SPATS2L: variants seen among roughly 807,000 people sequenced by gnomAD.
The protein encoded by SPATS2L is SPATS2-like protein.
SPATS2L carries 30 observed loss-of-function variants against 59.6 expected under a neutral mutation model. The ratio of observed to expected loss-of-function variants is 0.50; its 90% CI spans 0.38 to 0.68. The LOEUF is 0.68. Ranked by LOEUF, SPATS2L falls within the 30% of genes least tolerant of loss-of-function variation. SPATS2L has a pLI of 0.00. For missense variants in SPATS2L, 615 were observed against 700.0 expected, an observed-to-expected ratio of 0.88 and a Z score of 1.37; for synonymous variants, 252 against 263.5, an observed-to-expected ratio of 0.96 and a Z score of 0.42.
chr2:200,443,404 C>T (rs1395353406), intron 8 of SPATS2L, among the ~76,000 whole-genome samples: 1 of 152,112 alleles, frequency 6.6e-6, no homozygotes, highest in Non-Finnish European at 1.5e-5. Flanking sequence ...TTAGAATGTA[C>T]TCATTTTAAT....
chr2:200,467,762 C>G (rs958597871), intron 10 of SPATS2L, among the ~76,000 whole-genome samples: 3 of 152,180 alleles, frequency 2.0e-5, no homozygotes, highest in African/African-American at 7.2e-5. Context: ...GGTATATATA[C>G]ACACACGAAG....
chr2:200,427,457 C>T (rs1204415305), intron 6 of SPATS2L, among the ~76,000 whole-genome samples: 1 of 148,916 alleles, frequency 6.7e-6, no homozygotes, highest in African/African-American at 2.5e-5. Flanking sequence ...ATATTACATA[C>T]ATATACATAT....
chr2:200,336,958 T>G (rs1432293129), intron 2 of SPATS2L, among the ~76,000 whole-genome samples: 3 of 152,220 alleles, frequency 2.0e-5, no homozygotes, highest in Non-Finnish European at 2.9e-5. Context: ...GAAAATGTCT[T>G]TCTTAGAGAA....
chr2:200,471,121 G>A (rs1326029739), intron 11 of SPATS2L, among the ~76,000 whole-genome samples: 3 of 151,838 alleles, frequency 2.0e-5, no homozygotes, highest in Non-Finnish European at 2.9e-5. Flanking sequence ...AGTGGAGATC[G>A]CACCACTGCA....
At chr2:200,388,846 G>C (rs984128547) in intron 2 of SPATS2L, among the ~76,000 whole-genome samples, 3 of 152,134 alleles carry the variant, frequency 2.0e-5, no homozygotes, top group Non-Finnish European at 2.9e-5. Context: ...CCAAGGAGCT[G>C]ATAAAAGCTT....
intron 2 of SPATS2L, among the ~76,000 whole-genome samples, chr2:200,333,121 AC>A (rs946220107): frequency 2.0e-5 from 3 of 151,040 alleles, no homozygotes; most frequent in African/African-American, 7.4e-5. Context: ...TTCTACAAAT[AC>A]AAAAAAAAAA....
chr2:200,432,894 G>T (rs1306897755), intron 6 of SPATS2L, among the ~76,000 whole-genome samples: 1 of 151,818 alleles, frequency 6.6e-6, no homozygotes, highest in African/African-American at 2.4e-5. Flanking sequence ...AGAACAGAGA[G>T]AAAAAAAGTA....
intron 8 of SPATS2L, among the ~76,000 whole-genome samples, chr2:200,456,181 CT>C (rs2085823457): frequency 1.3e-5 from 2 of 152,344 alleles, no homozygotes; most frequent in South Asian, 4.1e-4. Context: ...GGGCTGGCCC[CT>C]GATCTTGGTT....
intron 3 of SPATS2L, among the ~76,000 whole-genome samples, chr2:200,410,313 A>T (rs149672373): frequency 4.4e-3 from 676 of 152,248 alleles, no homozygotes; most frequent in Non-Finnish European, 6.9e-3. Context: ...TGTTGAACAC[A>T]TTCTGTTAAT....
At chr2:200,319,728 A>G (rs1160276002) in intron 1 of SPATS2L, among the ~76,000 whole-genome samples, 4 of 152,168 alleles carry the variant, frequency 2.6e-5, no homozygotes. Flanking sequence ...TAAATCAGGA[A>G]CAGCACATTG....
intron 12 of SPATS2L, among the ~76,000 whole-genome samples, chr2:200,475,010 C>G (rs1484831821): frequency 6.6e-6 from 1 of 152,194 alleles, no homozygotes; most frequent in Non-Finnish European, 1.5e-5. Context: ...TGGGCCCAAG[C>G]CTGCTCACAG....
At chr2:200,444,358 C>T (rs571118709) in intron 8 of SPATS2L, among the ~76,000 whole-genome samples, 4 of 152,208 alleles carry the variant, frequency 2.6e-5, no homozygotes, top group South Asian at 4.1e-4. Context: ...TTGATAGTTC[C>T]GCCATATGCT....
intron 3 of SPATS2L, among the ~76,000 whole-genome samples, chr2:200,396,033 A>AATATATATATATAT (rs1553520465): frequency 9.5e-5 from 2 of 21,138 alleles, no homozygotes; most frequent in Non-Finnish European, 1.8e-4. Context: ...AAAAAAAAAA[A>AATATATATATATAT]ATATATATAT....
chr2:200,349,453 T>C (rs1335723742), intron 2 of SPATS2L, among the ~76,000 whole-genome samples: 1 of 152,218 alleles, frequency 6.6e-6, no homozygotes, highest in Non-Finnish European at 1.5e-5. Flanking sequence ...TTGACCAACA[T>C]GGTGAAACCT....
intron 8 of SPATS2L, among the ~76,000 whole-genome samples, chr2:200,453,621 C>A (rs1283452434): frequency 6.6e-6 from 1 of 152,172 alleles, no homozygotes; most frequent in Non-Finnish European, 1.5e-5. Flanking sequence ...TAGTACGGGG[C>A]AACTGTAGCT....
At chr2:200,382,938 A>G (rs2081872391) in intron 2 of SPATS2L, among the ~76,000 whole-genome samples, 1 of 152,150 alleles carries the variant, frequency 6.6e-6, no homozygotes, top group African/African-American at 2.4e-5. Flanking sequence ...GGCTTCCATG[A>G]GAATCTATTT....
intron 6 of SPATS2L, among the ~76,000 whole-genome samples, chr2:200,421,571 T>G (rs1189525764): frequency 2.0e-5 from 3 of 152,194 alleles, no homozygotes; most frequent in Non-Finnish European, 2.9e-5. Context: ...AAAGCACAAA[T>G]TTTCTTCCAG....
At chr2:200,424,007 CT>C (rs1264759015) in intron 6 of SPATS2L, among the ~76,000 whole-genome samples, 3 of 152,204 alleles carry the variant, frequency 2.0e-5, no homozygotes, top group African/African-American at 7.2e-5. Flanking sequence ...AAATATAGCA[CT>C]GTCAAGTGGG....
chr2:200,446,548 G>T (rs2085060441), intron 8 of SPATS2L, among the ~76,000 whole-genome samples: 1 of 152,154 alleles, frequency 6.6e-6, no homozygotes, highest in Non-Finnish European at 1.5e-5. Context: ...GGCTAGGGAT[G>T]CTGCTAACCG....
Sources: allele counts gnomAD v4.1 joint callset (sites outside exome capture counted in the v4.1 genomes callset), GRCh38; gene constraint gnomAD v4.1.1; transcripts MANE v1.5; gene names NCBI Gene and HGNC (gene_info 2026-07-23, HGNC 2026-07-21).